The following C11orf65 variants were observed in gnomAD, a reference collection of about 807,000 sequenced individuals.
C11orf65 encodes the protein chromosome 11 open reading frame 65.
A neutral mutation model predicts 35.3 loss-of-function variants in C11orf65; 38 were observed. The ratio of observed to expected loss-of-function variants is 1.08; its 90% CI spans 0.83 to 1.41. C11orf65 has a LOEUF of 1.41. Ranked by LOEUF, C11orf65 falls within the 40% of genes most tolerant of loss-of-function variation. The probability of loss-of-function intolerance (pLI) is 0.00; values close to 1 mark genes in which losing one functional copy is unlikely to be tolerated. For synonymous variants in C11orf65, 105 were observed against 114.4 expected (o/e 0.92, Z 0.53); for missense variants, 370 against 367.1 (o/e 1.01, Z -0.06).
intron 3 of C11orf65, among the ~76,000 whole-genome samples, chr11:108,414,779 C>A (rs1043369716): frequency 3.3e-5 from 5 of 151,996 alleles, no homozygotes; most frequent in Non-Finnish European, 1.5e-5. Context: ...AAATTATAGA[C>A]CAATATCTCT....
chr11:108,432,081 A>G (rs989153216), intron 2 of C11orf65, among the ~76,000 whole-genome samples: 1 of 152,206 alleles, frequency 6.6e-6, no homozygotes, highest in Non-Finnish European at 1.5e-5. Context: ...TATAAATGTA[A>G]TATCCCAAAC....
Position 108,335,880 on chromosome 11 carries a change from A to G in C11orf65, c.227-588T>C, listed in dbSNP as rs587781946. 1 of 1,613,952 alleles carries G rather than the reference A, an allele frequency of 6.2e-7. No individual in the cohort carries two copies. The highest frequency in any genetic ancestry group is 1.1e-5 in the South Asian group (1 of 91,084). On this transcript the variant is annotated intron_variant, in intron 2 of 3. Coordinates refer to the C11orf65 transcript ENST00000524755. ...ACCTGAGACAAGATGCTGTCATGCA[A>G]CAGGTCTTCCAGATGTGTAATACAT...
At chr11:108,452,224 C>T (rs977518363) in intron 2 of C11orf65, among the ~76,000 whole-genome samples, 8 of 152,112 alleles carry the variant, frequency 5.3e-5, no homozygotes, top group Non-Finnish European at 1.2e-4. Context: ...AGGCAACCTA[C>T]AGAATGGGAG....
At chr11:108,370,191 T>A (rs538103984) in intron 2 of C11orf65, among the ~76,000 whole-genome samples, 17 of 152,096 alleles carry the variant, frequency 1.1e-4, no homozygotes, top group Non-Finnish European at 2.2e-4. Context: ...TTTGTTTTTT[T>A]AAATGTTCTT....
At chr11:108,466,181 T>C (rs1308906265) in intron 1 of C11orf65, among the ~76,000 whole-genome samples, 1 of 152,154 alleles carries the variant, frequency 6.6e-6, no homozygotes, top group South Asian at 2.1e-4. Context: ...GGACCGTTGC[T>C]GGCTTTAGAT....
chr11:108,387,279 C>T (rs1474411628), intron 7 of C11orf65, among the ~76,000 whole-genome samples: 3 of 149,270 alleles, frequency 2.0e-5, no homozygotes, highest in African/African-American at 7.4e-5. Flanking sequence ...CTCAGCCTCC[C>T]AAGTAGCTGG....
chr11:108,414,350 G>GA (rs1236871245), intron 3 of C11orf65, among the ~76,000 whole-genome samples: 1 of 148,594 alleles, frequency 6.7e-6, no homozygotes, highest in African/African-American at 2.5e-5. Context: ...AATGGTGAAG[G>GA]AAAAAAAAAG....
chr11:108,314,119 TTTTG>T (rs2084402605), intron 6 of C11orf65, among the ~76,000 whole-genome samples: 1 of 152,060 alleles, frequency 6.6e-6, no homozygotes, highest in Admixed American at 6.6e-5. Flanking sequence ...TGTACAGTTT[TTTTG>T]TTTTTTTTTC....
chr11:108,380,418 A>G (rs141385311), downstream of C11orf65, among the ~76,000 whole-genome samples: 25 of 152,348 alleles, frequency 1.6e-4, no homozygotes, highest in East Asian at 4.6e-3. Flanking sequence ...AGACAAGGAA[A>G]TCTGGGAAAT....
Position 108,421,071 on chromosome 11 carries a change from T to TC in C11orf65, c.174+10674dup, listed in dbSNP as rs1273488085. Among the ~76,000 whole-genome samples, 9 of 152,302 alleles carry TC rather than the reference T, an allele frequency of 5.9e-5. No homozygotes were observed. The East Asian group carries it at 1.7e-3, about 29-fold the overall frequency. On this transcript the variant is annotated intron_variant, in intron 3 of 8. Transcript: ENST00000393084. Reference sequence around the variant, plus strand: ...AGGAAACCCCATATCTATCAAGCAGTCACTTCCTTCACCCTAGCCCCCAAC... The same window carrying TC: ...AGGAAACCCCATATCTATCAAGCAGTCCACTTCCTTCACCCTAGCCCCCAAC...
chr11:108,429,142 G>C (rs2092950461), intron 3 of C11orf65, among the ~76,000 whole-genome samples: 1 of 151,782 alleles, frequency 6.6e-6, no homozygotes, highest in South Asian at 2.1e-4. Flanking sequence ...ACGAGACCCT[G>C]TCTCAAAAAA....
intron 6 of C11orf65, among the ~76,000 whole-genome samples, chr11:108,309,783 T>G (rs1044149919): frequency 6.6e-6 from 1 of 152,172 alleles, no homozygotes; most frequent in African/African-American, 2.4e-5. Flanking sequence ...TTGACTGTTT[T>G]AAAGTGTGTG....
intron 1 of C11orf65, among the ~76,000 whole-genome samples, chr11:108,464,921 T>G (rs2093516749): frequency 6.6e-6 from 1 of 152,158 alleles, no homozygotes; most frequent in African/African-American, 2.4e-5. Flanking sequence ...AAATGGTGTC[T>G]AATTTATGCC....
At chr11:108,455,097 T>G (rs1240631845) in intron 2 of C11orf65, among the ~76,000 whole-genome samples, 1 of 152,208 alleles carries the variant, frequency 6.6e-6, no homozygotes, top group East Asian at 1.9e-4. Context: ...AATATATTCC[T>G]TAATTTACCT....
In C11orf65 at chr11:108,333,876, T is replaced by G. The variant is rs188404773; in HGVS notation, c.299+1344A>C. On this transcript the variant is annotated intron_variant, in intron 3 of 3. Transcript: ENST00000524755. Reference sequence around the variant, plus strand: ...GTTTGTCACTAAAATCTCTTCATTTTTAAATACAGAAGGCATAAATATTCC... The same window carrying G: ...GTTTGTCACTAAAATCTCTTCATTTGTAAATACAGAAGGCATAAATATTCC... The G allele has an allele frequency of 1.3e-6, 2 of 1,592,806 alleles. No homozygotes were observed. Among genetic ancestry groups the G allele is most frequent in the Non-Finnish European group, 1.7e-6 (2 of 1,160,716 alleles).
Position 108,383,271 on chromosome 11 carries a change from C to G in C11orf65, c.788-96G>C. The G allele has an allele frequency of 4.6e-6, 5 of 1,083,814 alleles. No homozygotes were observed. In the South Asian group the frequency reaches 8.6e-5, roughly 19 times the overall value. The allele number at this position is 1,083,814 out of a possible 1,614,324, so 67.1% of individuals were successfully genotyped here. On this transcript the variant is annotated intron_variant, in intron 8 of 8. Coordinates refer to ENST00000393084, the MANE Select transcript of C11orf65 (RefSeq NM_152587.5). ...TTGTGGTCTGTTCCACATTCCTTTT[C>G]ACCATTCTTAAAGCAAATATCTTCA...
chr11:108,453,401 ACAGT>A (rs1375557627), intron 2 of C11orf65, among the ~76,000 whole-genome samples: 2 of 152,130 alleles, frequency 1.3e-5, no homozygotes, highest in Middle Eastern at 3.2e-3. Flanking sequence ...CCCAATGAAT[ACAGT>A]AATTACAATA....
At chr11:108,412,320 AC>A (rs2092672181) in intron 3 of C11orf65, among the ~76,000 whole-genome samples, 1 of 152,124 alleles carries the variant, frequency 6.6e-6, no homozygotes, top group Admixed American at 6.6e-5. Flanking sequence ...GAAAAAAAAA[AC>A]AATGGCAACA....
At chr11:108,447,473 A>G (rs1243502910) in intron 2 of C11orf65, among the ~76,000 whole-genome samples, 2 of 152,164 alleles carry the variant, frequency 1.3e-5, no homozygotes. Flanking sequence ...ACTCAGGATT[A>G]AGAATCTCAC....
Sources: allele counts gnomAD v4.1 joint callset (sites outside exome capture counted in the v4.1 genomes callset), GRCh38; gene constraint gnomAD v4.1.1; transcripts MANE v1.5; gene names NCBI Gene and HGNC (gene_info 2026-07-23, HGNC 2026-07-21).